CACNB2: variants seen among roughly 807,000 people sequenced by gnomAD.
CACNB2 encodes the protein voltage-dependent L-type calcium channel subunit beta-2.
In CACNB2, 42 loss-of-function variants were observed where a neutral mutation model predicts 73.3. The observed-to-expected ratio is 0.57, with a 90% CI of 0.45 to 0.74. The LOEUF (loss-of-function observed/expected upper bound fraction) is 0.74, where lower values mean the gene tolerates loss of function less well. Ranked by LOEUF, CACNB2 falls within the 30% of genes least tolerant of loss-of-function variation. The pLI is 0.00. For missense variants in CACNB2, 940 were observed against 853.0 expected, an observed-to-expected ratio of 1.10 and a Z score of -1.27; for synonymous variants, 348 against 310.3, an observed-to-expected ratio of 1.12 and a Z score of -1.28.
chr10:18,266,591 A>C (rs1194407831), intron 2 of CACNB2, among the ~76,000 whole-genome samples: 1 of 152,062 alleles, frequency 6.6e-6, no homozygotes, highest in Non-Finnish European at 1.5e-5. Flanking sequence ...CCCGACAGTT[A>C]AAATAAGTGT....
intron 2 of CACNB2, among the ~76,000 whole-genome samples, chr10:18,209,977 G>C (rs900910337): frequency 1.3e-5 from 2 of 152,176 alleles, no homozygotes; most frequent in African/African-American, 4.8e-5. Flanking sequence ...GAAAGAAAAG[G>C]ATGTATTTCT....
intron 3 of CACNB2, among the ~76,000 whole-genome samples, chr10:18,475,126 G>C (rs889109722): frequency 6.6e-6 from 1 of 151,096 alleles, no homozygotes; most frequent in Non-Finnish European, 1.5e-5. Flanking sequence ...GGATGGGAGA[G>C]GGTGCAGAAC....
chr10:18,371,853 C>T (rs889062872), intron 2 of CACNB2, among the ~76,000 whole-genome samples: 9 of 152,172 alleles, frequency 5.9e-5, no homozygotes, highest in African/African-American at 2.2e-4. Flanking sequence ...TCCACATCCT[C>T]TCCAGCACTT....
intron 2 of CACNB2, among the ~76,000 whole-genome samples, chr10:18,354,486 G>A (rs2041834288): frequency 6.6e-6 from 1 of 152,194 alleles, no homozygotes; most frequent in Admixed American, 6.5e-5. Flanking sequence ...TTATGGTGGG[G>A]CCTAGAGAGG....
At chr10:18,175,772 A>G (rs1012765312) in intron 2 of CACNB2, among the ~76,000 whole-genome samples, 25 of 151,768 alleles carry the variant, frequency 1.6e-4, no homozygotes, top group Non-Finnish European at 1.6e-4. Context: ...TAATTTTTGT[A>G]TTTTTCGTAG....
At chr10:18,476,386 A>G (rs1030435241) in intron 3 of CACNB2, among the ~76,000 whole-genome samples, 1 of 152,228 alleles carries the variant, frequency 6.6e-6, no homozygotes, top group Non-Finnish European at 1.5e-5. Flanking sequence ...TATACTCTAC[A>G]TAGAGTGAGA....
chr10:18,144,969 T>C lies in CACNB2; in HGVS notation c.120+4113T>C, dbSNP rs542215433. The stretch of plus-strand genomic sequence containing the variant: ...ACGGGAAGCAGGTGACAGGGATTGA[T>C]AGGTAACAGAAGAGGAAACGGAGGA... On this transcript the variant is annotated intron_variant, in intron 1 of 13. Transcript: ENST00000324631. 4.6e-5 allele frequency among the ~76,000 whole-genome samples: 7 copies of C among 152,240 alleles called. No homozygotes were observed. The South Asian group carries it at 1.5e-3, about 32-fold the overall frequency.
At chr10:18,197,301 C>G (rs2034669936) in intron 2 of CACNB2, among the ~76,000 whole-genome samples, 1 of 152,202 alleles carries the variant, frequency 6.6e-6, no homozygotes, top group South Asian at 2.1e-4. Flanking sequence ...CTATAACCTA[C>G]TCCAGACACT....
At chr10:18,426,360 C>T (rs1564534710) in intron 3 of CACNB2, among the ~76,000 whole-genome samples, 1 of 152,326 alleles carries the variant, frequency 6.6e-6, no homozygotes, top group Non-Finnish European at 1.5e-5. Flanking sequence ...TTACTACAGT[C>T]TCTCTCACCT....
At chr10:18,267,385 C>A (rs1490831490) in intron 2 of CACNB2, among the ~76,000 whole-genome samples, 1 of 152,106 alleles carries the variant, frequency 6.6e-6, no homozygotes, top group Non-Finnish European at 1.5e-5. Context: ...GTGGGCAGAT[C>A]ACTTGAGGTC....
chr10:18,153,219 A>G (rs1460959242), intron 2 of CACNB2, among the ~76,000 whole-genome samples: 1 of 121,936 alleles, frequency 8.2e-6, no homozygotes, highest in African/African-American at 2.7e-5. Context: ...CCCAAAGGGT[A>G]AATATACAGG....
chr10:18,220,158 C>T (rs867765843), intron 2 of CACNB2, among the ~76,000 whole-genome samples: 66 of 47,380 alleles, frequency 1.4e-3, no homozygotes, highest in Non-Finnish European at 1.6e-3. Flanking sequence ...TATATATACA[C>T]ACACACACAC....
At chr10:18,531,956 G>T (rs2053074880) in intron 10 of CACNB2, 1 of 152,188 alleles carries the variant, frequency 6.6e-6, no homozygotes, top group Non-Finnish European at 1.5e-5. Context: ...TCATTAGCTA[G>T]GACAACTGGA....
chr10:18,449,108 G>T (rs1339554325), intron 3 of CACNB2, among the ~76,000 whole-genome samples: 1 of 152,224 alleles, frequency 6.6e-6, no homozygotes, highest in Non-Finnish European at 1.5e-5. Flanking sequence ...AACGTGCCCA[G>T]GTGCGGTGGC....
chr10:18,287,328 C>CA (rs1004389998), intron 2 of CACNB2, among the ~76,000 whole-genome samples: 24 of 148,434 alleles, frequency 1.6e-4, no homozygotes, highest in East Asian at 3.9e-4. Context: ...GACTCTTTCT[C>CA]AAAAAAAAAA....
At chr10:18,495,494 C>T (rs2049738886) in intron 3 of CACNB2, among the ~76,000 whole-genome samples, 1 of 151,662 alleles carries the variant, frequency 6.6e-6, no homozygotes, top group Admixed American at 6.6e-5. Context: ...GCTGCGATTA[C>T]TGGCATGAGC....
At chr10:18,471,279 C>G (rs1391617099) in intron 3 of CACNB2, among the ~76,000 whole-genome samples, 1 of 152,144 alleles carries the variant, frequency 6.6e-6, no homozygotes, top group Non-Finnish European at 1.5e-5. Flanking sequence ...GCACTCCAGC[C>G]TGGGCAACAA....
chr10:18,297,189 C>G (rs1184845502), intron 2 of CACNB2, among the ~76,000 whole-genome samples: 1 of 152,184 alleles, frequency 6.6e-6, no homozygotes, highest in Non-Finnish European at 1.5e-5. Context: ...CCAAGCACTT[C>G]TATTCAATAT....
chr10:18,453,129 C>T (rs2047093342), intron 3 of CACNB2, among the ~76,000 whole-genome samples: 1 of 152,170 alleles, frequency 6.6e-6, no homozygotes, highest in Non-Finnish European at 1.5e-5. Flanking sequence ...CTCCCTGGAA[C>T]TATTAATATT....
Sources: gnomAD v4.1 joint callset for allele counts (sites outside exome capture counted in the v4.1 genomes callset) on GRCh38, gnomAD v4.1.1 for gene constraint, MANE v1.5 for transcripts, NCBI Gene and HGNC (gene_info 2026-07-23, HGNC 2026-07-21) for gene names.